The following DIP2A variants were observed in gnomAD, a reference collection of about 807,000 sequenced individuals.
DIP2A encodes the protein disco-interacting protein 2 homolog A.
DIP2A carries 85 observed loss-of-function variants against 177.4 expected under a neutral mutation model. That is an observed-to-expected ratio of 0.48 (90% CI 0.40 to 0.57). DIP2A has a LOEUF of 0.57. DIP2A is among the 20% of genes least tolerant of loss of function. DIP2A has a pLI of 0.00. For missense variants in DIP2A, 1,791 were observed against 2,100.2 expected (o/e 0.85, Z 2.88); for synonymous variants, 886 against 881.8 (o/e 1.00, Z -0.08).
chr21:46,529,044 A>T (rs886512861), intron 8 of DIP2A, 48 bp from the exon 9 acceptor site: 2 of 1,207,226 alleles, frequency 1.7e-6, no homozygotes, highest in Non-Finnish European at 1.1e-6. Flanking sequence ...AATGTTAATT[A>T]CTTGTTTCTT....
the DIP2A span, among the ~76,000 whole-genome samples, chr21:46,576,048 A>C: frequency 1.5e-4 from 23 of 152,338 alleles, no homozygotes; most frequent in African/African-American, 5.3e-4. Flanking sequence ...TAGATAAGCA[A>C]ATTTTGTTGT....
Position 46,504,489 on chromosome 21 carries a change from G to T in DIP2A, c.784G>T (p.Gly262Cys). The T allele has an allele frequency of 6.2e-7, 1 of 1,602,878 alleles. No homozygotes were observed. ...CGGGAGCATGCTGGAAACAGCAGATGGTGAGCCTGCCTCTCTTTCTCCTCG... is the reference window on the plus strand; with the variant it reads ...CGGGAGCATGCTGGAAACAGCAGATTGTGAGCCTGCCTCTCTTTCTCCTCG... ...CSGSMLETADGVPVNSRVSSK... is the reference protein window; with the variant it reads ...CSGSMLETADCVPVNSRVSSK... The change falls in exon 6 of 38, where the codon GGT (glycine) becomes TGT (cysteine). Residue 262 changes from glycine (G) to cysteine (C), a missense_variant and splice_region_variant. Transcript: ENST00000417564.
At chr21:46,545,502 G>A (rs1054081829) in intron 19 of DIP2A, among the ~76,000 whole-genome samples, 11 of 152,198 alleles carry the variant, frequency 7.2e-5, no homozygotes, top group Admixed American at 2.0e-4. Flanking sequence ...GGGAGTCAGC[G>A]TGCTTCCCAC....
Position 46,563,976 on chromosome 21 carries a change from C to A in DIP2A, c.4164+44C>A, listed in dbSNP as rs1457708860. The A allele has an allele frequency of 1.3e-6, 2 of 1,577,302 alleles. No homozygotes were observed. Among genetic ancestry groups the A allele is most frequent in the African/African-American group, 1.4e-5 (1 of 72,982 alleles). Reference sequence around the variant, plus strand: ...GAGGGGCTTGAGCTCTCCAGCCTCACCAGCTTCACCTTCCTTCCCTTTTTG... The same window carrying A: ...GAGGGGCTTGAGCTCTCCAGCCTCAACAGCTTCACCTTCCTTCCCTTTTTG... On this transcript the variant is annotated intron_variant, in intron 35 of 37. Transcript: ENST00000417564. This position sits in a 1 kb window ranked among gnomAD's most constrained non-coding sequence, Gnocchi z 4.3.
At chr21:46,484,570 A>T (rs948423250) in intron 1 of DIP2A, among the ~76,000 whole-genome samples, 187 bp from the exon 2 acceptor site, 1 of 152,190 alleles carries the variant, frequency 6.6e-6, no homozygotes. Flanking sequence ...TGCTGTGTGT[A>T]TCAGTAGTTT....
At chr21:46,526,530 G>A (rs1363343564) in intron 8 of DIP2A, among the ~76,000 whole-genome samples, 1 of 151,942 alleles carries the variant, frequency 6.6e-6, no homozygotes. Context: ...GAGTAGCTGG[G>A]ATTACAAGTG....
At chr21:46,505,283 G>GCAAT in intron 6 of DIP2A, among the ~76,000 whole-genome samples, 1 of 152,120 alleles carries the variant, frequency 6.6e-6, no homozygotes, top group Non-Finnish European at 1.5e-5. Flanking sequence ...TAATTAAAGG[G>GCAAT]TAATTGACAT....
Position 46,511,602 on chromosome 21 carries a change from ACT to A in DIP2A, c.1094_1095del (p.Leu365HisfsTer4). ...GGATACAACTGGGAAAGCCGTCTAC[ACT>A]CTCACCTATGGCAAGTGTTAACAGA... The part of the protein sequence containing the change: ...ALDTTGKAVY[T>X]LTYGKLWSRS... On this transcript the variant is annotated frameshift_variant, in exon 8 of 38. Coordinates refer to ENST00000417564, the MANE Select transcript of DIP2A (RefSeq NM_015151.4). LOFTEE classifies it high-confidence loss of function. 1 of 1,540,846 alleles carries A rather than the reference ACT, an allele frequency of 6.5e-7. No individual in the cohort carries two copies. The highest frequency in any genetic ancestry group is 8.7e-7 in the Non-Finnish European group (1 of 1,147,420).
At chr21:46,562,509 G>A (rs1458092684) in intron 34 of DIP2A, among the ~76,000 whole-genome samples, 1 of 152,226 alleles carries the variant, frequency 6.6e-6, no homozygotes, top group Non-Finnish European at 1.5e-5. Context: ...CCTGTGGGGA[G>A]TCAGAGAGGG....
chr21:46,479,175 C>T (rs908100507), intron 1 of DIP2A, among the ~76,000 whole-genome samples: 6 of 152,194 alleles, frequency 3.9e-5, no homozygotes, highest in African/African-American at 1.4e-4. Context: ...CTGAGTCTGT[C>T]CAAGTTCCAC....
intron 7 of DIP2A, among the ~76,000 whole-genome samples, chr21:46,510,664 T>C (rs1039887901): frequency 6.9e-6 from 1 of 144,538 alleles, no homozygotes; most frequent in Non-Finnish European, 1.5e-5. Context: ...AGAGTCTCAC[T>C]CTGTCGCCCA....
chr21:46,581,691 C>T, the DIP2A span, among the ~76,000 whole-genome samples: 1 of 152,098 alleles, frequency 6.6e-6, no homozygotes, highest in Admixed American at 6.5e-5. Context: ...CTAGGCCCCT[C>T]TTCTGTAGGG....
intron 1 of DIP2A, among the ~76,000 whole-genome samples, chr21:46,478,099 C>T (rs1009325515): frequency 2.0e-5 from 3 of 152,124 alleles, no homozygotes; most frequent in African/African-American, 7.2e-5. Context: ...CTGGTAAAGT[C>T]TGCCCTTTTA....
At chr21:46,560,578 G>A in intron 32 of DIP2A, 144 bp from the exon 33 acceptor site, 1 of 1,064,270 alleles carries the variant, frequency 9.4e-7, no homozygotes, top group Non-Finnish European at 1.3e-6. Flanking sequence ...TGAACCCCTA[G>A]GCGGACTCAC....
intron 1 of DIP2A, among the ~76,000 whole-genome samples, chr21:46,479,102 A>G (rs773880363): frequency 5.3e-5 from 8 of 152,182 alleles, no homozygotes; most frequent in Non-Finnish European, 1.2e-4. Context: ...GGTCCTTCTG[A>G]GTCCCAACAA....
chr21:46,534,102 G>T lies in DIP2A; in HGVS notation c.1528G>T (p.Ala510Ser), dbSNP rs376419873. The change falls in exon 12 of 38, where the codon GCC becomes TCC. Residue 510 changes from alanine to serine, a missense_variant. By Grantham distance (99) the Ala-to-Ser change is moderately conservative. Transcript: ENST00000417564. ...PLAQDTGTGT[A>S]YIEYKTSKEG... The stretch of plus-strand genomic sequence containing the variant: ...GGCCCAGGACACAGGGACTGGGACT[G>T]CCTACATTGAGGTAATGACTGTTCC... 8.7e-6 allele frequency: 14 copies of T among 1,613,118 alleles called. No individual in the cohort carries two copies. The highest frequency in any genetic ancestry group is 1.2e-5 in the Non-Finnish European group (14 of 1,179,200).
intron 5 of DIP2A, among the ~76,000 whole-genome samples, chr21:46,501,157 A>C (rs886232304): frequency 6.6e-6 from 1 of 152,254 alleles, no homozygotes. Flanking sequence ...TGTGTCTTCA[A>C]TTTAAACTAA....
intron 8 of DIP2A, among the ~76,000 whole-genome samples, chr21:46,515,239 G>A (rs2058516953): frequency 2.0e-5 from 3 of 152,362 alleles, no homozygotes; most frequent in Admixed American, 2.0e-4. Flanking sequence ...AGTGGGACAA[G>A]GGCCTATTTT....
intron 1 of DIP2A, among the ~76,000 whole-genome samples, chr21:46,461,474 C>G (rs1016716228): frequency 6.6e-6 from 1 of 152,000 alleles, no homozygotes; most frequent in African/African-American, 2.4e-5. Context: ...TTGCGTATTG[C>G]TCCTAATTTC....
Sources: allele counts gnomAD v4.1 joint callset (sites outside exome capture counted in the v4.1 genomes callset), GRCh38; gene constraint gnomAD v4.1.1; non-coding constraint Gnocchi (gnomAD v3.1); transcripts MANE v1.5; gene names NCBI Gene and HGNC (gene_info 2026-07-23, HGNC 2026-07-21).